Variants in YY1 observed in about 807,000 individuals in gnomAD.
YY1 encodes transcriptional repressor protein YY1.
Under a neutral mutation model 35.6 loss-of-function variants are expected in YY1, and 2 were observed. The ratio of observed to expected loss-of-function variants is 0.06; its 90% CI spans 0.02 to 0.18. The LOEUF is 0.18. Ranked by LOEUF, YY1 falls within the 10% of genes least tolerant of loss-of-function variation. The probability of loss-of-function intolerance (pLI) is 1.00; values close to 1 mark genes in which losing one functional copy is unlikely to be tolerated. For missense variants in YY1, 322 were observed against 573.4 expected, an observed-to-expected ratio of 0.56 and a Z score of 4.48; for synonymous variants, 268 against 238.9, an observed-to-expected ratio of 1.12 and a Z score of -1.12.
At chr14:100,246,777 A>T (rs1207123751) in intron 1 of YY1, among the ~76,000 whole-genome samples, 1 of 152,212 alleles carries the variant, frequency 6.6e-6, no homozygotes, top group Non-Finnish European at 1.5e-5. Flanking sequence ...TCCCCAGTAG[A>T]AACTGCGCTG....
At chr14:100,243,618 C>A (rs1362251559) in intron 1 of YY1, among the ~76,000 whole-genome samples, 2 of 151,930 alleles carry the variant, frequency 1.3e-5, no homozygotes, top group African/African-American at 2.4e-5. Context: ...TATAGTGAGA[C>A]CCCGTCTCTG....
At chr14:100,248,106 G>A (rs1279621975) in intron 1 of YY1, among the ~76,000 whole-genome samples, 1 of 114,582 alleles carries the variant, frequency 8.7e-6, no homozygotes, top group Non-Finnish European at 1.8e-5. Flanking sequence ...CACCACGCCC[G>A]GCTAATTTTT....
chr14:100,250,579 C>A (rs189982095), intron 1 of YY1, among the ~76,000 whole-genome samples: 13 of 152,242 alleles, frequency 8.5e-5, no homozygotes, highest in Admixed American at 8.5e-4. Flanking sequence ...ATACTACCTT[C>A]ATCTGATATT....
At chr14:100,272,843 A>C (rs61992953) in intron 2 of YY1, among the ~76,000 whole-genome samples, 7,400 of 151,650 alleles carry the variant, frequency 0.049, 205 homozygotes, top group African/African-American at 0.061. Context: ...CCATTATATC[A>C]CTTGTATCCT....
chr14:100,267,559 C>T (rs1048902002), intron 2 of YY1, among the ~76,000 whole-genome samples: 2 of 151,076 alleles, frequency 1.3e-5, no homozygotes, highest in African/African-American at 4.9e-5. Context: ...GAGTCTTGCT[C>T]TGTCGCCAGG....
At chr14:100,249,100 ATTTTTTTTTTTTTTTTTTT>A (rs60088505) in intron 1 of YY1, among the ~76,000 whole-genome samples, 2,589 of 47,098 alleles carry the variant, frequency 0.055, 157 homozygotes, top group African/African-American at 0.16. Context: ...TTCTCGTGTA[ATTTTTTTTTTTTTTTTTTT>A]TTTTTTTTTT....
chr14:100,271,790 A>G (rs1026688308), intron 2 of YY1, among the ~76,000 whole-genome samples: 1 of 152,044 alleles, frequency 6.6e-6, no homozygotes, highest in Non-Finnish European at 1.5e-5. Flanking sequence ...GACTGTAGGC[A>G]TGTGCCACCA....
chr14:100,262,056 G>C (rs530440299), intron 1 of YY1, among the ~76,000 whole-genome samples: 1 of 152,094 alleles, frequency 6.6e-6, no homozygotes, highest in African/African-American at 2.4e-5. Flanking sequence ...AGGCTGAGGT[G>C]GGGGGATTGC....
intron 2 of YY1, among the ~76,000 whole-genome samples, chr14:100,267,513 C>A (rs926915706): frequency 6.8e-6 from 1 of 146,584 alleles, no homozygotes; most frequent in Non-Finnish European, 1.5e-5. Flanking sequence ...TCCCTCTCAT[C>A]CACATTCTAC....
chr14:100,282,418 A>C lies in YY1; in HGVS notation c.*4818A>C, dbSNP rs1475027088. Reference sequence around the variant, plus strand: ...CACACATCACGGAGGGGAGAAAGGCATCAGTACCAAACGGAACAACCTCTT... The same window carrying C: ...CACACATCACGGAGGGGAGAAAGGCCTCAGTACCAAACGGAACAACCTCTT... On this transcript the variant is annotated 3_prime_UTR_variant, in exon 5 of 5. Coordinates refer to ENST00000262238, the MANE Select transcript of YY1 (RefSeq NM_003403.5). The C allele has an allele frequency of 2.0e-5, 3 of 152,136 alleles. No homozygotes were observed. Among genetic ancestry groups the C allele is most frequent in the African/African-American group, 7.3e-5 (3 of 41,376 alleles). The allele number at this position is 152,136 out of a possible 1,614,324, so 9.4% of individuals were successfully genotyped here.
At chr14:100,265,330 A>C (rs1217595690) in intron 2 of YY1, 1 of 151,998 alleles carries the variant, frequency 6.6e-6, no homozygotes, top group Non-Finnish European at 1.5e-5. Flanking sequence ...GTGAGCTGAG[A>C]TCACGTCATC....
chr14:100,267,379 TC>T (rs1185661261), intron 2 of YY1, among the ~76,000 whole-genome samples: 1 of 152,220 alleles, frequency 6.6e-6, no homozygotes, highest in Non-Finnish European at 1.5e-5. Context: ...AAATAGCATT[TC>T]TTTTATTAGC....
intron 1 of YY1, among the ~76,000 whole-genome samples, chr14:100,261,276 G>A (rs1365810407): frequency 6.6e-6 from 1 of 151,868 alleles, no homozygotes; most frequent in Non-Finnish European, 1.5e-5. Flanking sequence ...TGCAAACTCT[G>A]CCTCCCAGTT....
At chr14:100,272,421 A>G (rs1891254843) in intron 2 of YY1, among the ~76,000 whole-genome samples, 1 of 152,186 alleles carries the variant, frequency 6.6e-6, no homozygotes, top group Non-Finnish European at 1.5e-5. Context: ...GTTGTTCCTC[A>G]TATACTCCTA....
At chr14:100,246,300 C>T (rs1280209292) in intron 1 of YY1, among the ~76,000 whole-genome samples, 1 of 152,246 alleles carries the variant, frequency 6.6e-6, no homozygotes, top group Non-Finnish European at 1.5e-5. Context: ...CCCCCCCATT[C>T]TGTCCCGTGC....
intron 2 of YY1, among the ~76,000 whole-genome samples, chr14:100,266,420 G>T (rs1891155974): frequency 6.6e-6 from 1 of 152,158 alleles, no homozygotes; most frequent in Non-Finnish European, 1.5e-5. Context: ...AAGAGAGAGG[G>T]AATCTATGGG....
intron 2 of YY1, among the ~76,000 whole-genome samples, chr14:100,266,155 A>G (rs1039120947): frequency 5.3e-5 from 8 of 152,280 alleles, no homozygotes; most frequent in African/African-American, 1.9e-4. Context: ...ATTGGTCCCC[A>G]TGATTCAGTT....
chr14:100,239,451 C>T lies in YY1; in HGVS notation c.207C>T (p.Gly69=). The change falls in exon 1 of 5, where the codon GGC becomes GGT. Residue 69 remains glycine (G), a synonymous_variant. Coordinates refer to ENST00000262238, the MANE Select transcript of YY1 (RefSeq NM_003403.5). ...HGGGGGHGHA[G]HHHHHHHHHH... ...GCGGGGGCGGCCACGGGCACGCCGG[C>T]CACCACCACCACCACCATCACCACC... The T allele has an allele frequency of 3.5e-6, 5 of 1,447,960 alleles. No homozygotes were observed. The highest frequency in any genetic ancestry group is 4.8e-6 in the Non-Finnish European group (5 of 1,047,720). 89.7% of individuals were successfully genotyped at this position (1,447,960 alleles called of 1,614,324 possible). A position where few individuals can be genotyped will look rare whatever the true frequency, so the allele number is the denominator to read the frequency against.
intron 1 of YY1, among the ~76,000 whole-genome samples, chr14:100,243,180 A>T (rs370883721): frequency 8.5e-5 from 13 of 152,216 alleles, no homozygotes; most frequent in African/African-American, 3.1e-4. Context: ...GACGTGATAT[A>T]CTCAGTATAA....
Sources: allele counts gnomAD v4.1 joint callset (sites outside exome capture counted in the v4.1 genomes callset), GRCh38; gene constraint gnomAD v4.1.1; transcripts MANE v1.5; gene names NCBI Gene and HGNC (gene_info 2026-07-23, HGNC 2026-07-21).